CCAR2: variants seen among roughly 807,000 people sequenced by gnomAD.
CCAR2 encodes the protein cell cycle and apoptosis regulator protein 2.
Under a neutral mutation model 108.1 loss-of-function variants are expected in CCAR2, and 21 were observed. The observed-to-expected ratio is 0.19, with a 90% CI of 0.14 to 0.28. The LOEUF (loss-of-function observed/expected upper bound fraction) is 0.28, where lower values mean the gene tolerates loss of function less well. Among genes scored for constraint, CCAR2 ranks in the 10% least tolerant of loss-of-function variants. The pLI is 1.00. For synonymous variants in CCAR2, 577 were observed against 472.8 expected (o/e 1.22, Z -2.86); for missense variants, 1,126 against 1,177.0 (o/e 0.96, Z 0.63).
intron 14 of CCAR2, 164 bp downstream of exon 14, chr8:22,616,412 G>A (rs1341503908): frequency 6.1e-6 from 4 of 660,800 alleles, no homozygotes; most frequent in Non-Finnish European, 1.0e-5. Flanking sequence ...TAGTGCAAGG[G>A]AAGGTGGCGC....
In CCAR2 at chr8:22,614,514, G is replaced by C; in HGVS notation, c.1041+11G>C. On this transcript the variant is annotated intron_variant, in intron 10 of 20. Coordinates refer to ENST00000308511, the MANE Select transcript of CCAR2 (RefSeq NM_001393997.1). ...CTGAAGCAGATTAAGGTAAGAGCTG[G>C]AGAGCAGGAGGAGATGCATTCACGG... is the stretch of plus-strand genomic sequence containing the variant. 6.2e-7 allele frequency: 1 copy of C among 1,608,314 alleles called. No individual in the cohort carries two copies. The highest frequency in any genetic ancestry group is 8.5e-7 in the Non-Finnish European group (1 of 1,175,214).
chr8:22,607,169 C>T, intron 5 of CCAR2, 27 bp from the exon 6 acceptor site: 2 of 1,612,898 alleles, frequency 1.2e-6, no homozygotes, highest in African/African-American at 1.3e-5. Flanking sequence ...ATGGGGTCCC[C>T]TGAATTTCCT....
rs1251008266 is a variant in CCAR2, at chr8:22,619,679, C to G, written c.2769C>G (p.Asn923Lys). 1.9e-6 allele frequency: 3 copies of G among 1,571,110 alleles called. No homozygotes were observed. The Admixed American group carries it at 5.5e-5, about 29-fold the overall frequency. The part of the protein sequence containing the change: ...WVEKEEPAPS[N>K] ...AGAAGGAGGAGCCGGCACCTAGCAA[C>G]TGACGGCCTCGCACGGAACTGCCAT... is the stretch of plus-strand genomic sequence containing the variant. The change falls in exon 21 of 21, where the codon AAC becomes AAG. Residue 923 changes from asparagine to lysine, a missense_variant. Transcript: ENST00000308511.
chr8:22,616,499 G>A (rs1563923302), intron 14 of CCAR2: 3 of 541,824 alleles, frequency 5.5e-6, no homozygotes, highest in South Asian at 2.2e-5. Flanking sequence ...AGAGTGGGGT[G>A]CTTTGATTGC....
Sources: allele counts gnomAD v4.1 joint callset, GRCh38; gene constraint gnomAD v4.1.1; transcripts MANE v1.5; gene names NCBI Gene and HGNC (gene_info 2026-07-23, HGNC 2026-07-21).